Variants in TAFA2 observed in about 807,000 individuals in gnomAD.
TAFA2 encodes TAFA chemokine like family member 2, also known as chemokine-like protein TAFA-2.
Under a neutral mutation model 18.8 loss-of-function variants are expected in TAFA2, and 7 were observed. The ratio of observed to expected loss-of-function variants is 0.37; its 90% CI spans 0.21 to 0.70. TAFA2 has a LOEUF of 0.70. Ranked by LOEUF, TAFA2 falls within the 30% of genes least tolerant of loss-of-function variation. TAFA2 has a pLI of 0.53. For synonymous variants in TAFA2, 60 were observed against 54.2 expected (o/e 1.11, Z -0.47); for missense variants, 122 against 158.1 (o/e 0.77, Z 1.23).
chr12:61,956,011 T>G (rs899103404), intron 1 of TAFA2, among the ~76,000 whole-genome samples: 1 of 152,084 alleles, frequency 6.6e-6, no homozygotes, highest in African/African-American at 2.4e-5. Flanking sequence ...GCATGAGATT[T>G]AAGTGGCAGA....
At chr12:62,029,486 G>A (rs1881393122) in intron 1 of TAFA2, among the ~76,000 whole-genome samples, 1 of 152,220 alleles carries the variant, frequency 6.6e-6, no homozygotes, top group Admixed American at 6.5e-5. Flanking sequence ...GCCAACCCTA[G>A]TAAACAGCAC....
intron 1 of TAFA2, among the ~76,000 whole-genome samples, chr12:62,099,759 A>AC (rs1286729912): frequency 6.6e-6 from 1 of 152,072 alleles, no homozygotes; most frequent in African/African-American, 2.4e-5. Context: ...GCCCCGTGGC[A>AC]CCCCTGCATG....
At chr12:61,797,855 A>G (rs989466229) in intron 2 of TAFA2, among the ~76,000 whole-genome samples, 1 of 152,204 alleles carries the variant, frequency 6.6e-6, no homozygotes, top group Non-Finnish European at 1.5e-5. Context: ...GTCAGTCTAT[A>G]TTAGACTTTC....
At chr12:61,939,718 GACAAT>G (rs1288412793) in intron 1 of TAFA2, among the ~76,000 whole-genome samples, 3 of 152,140 alleles carry the variant, frequency 2.0e-5, no homozygotes, top group African/African-American at 7.2e-5. Context: ...AAGAAAACAG[GACAAT>G]ACATTTGATG....
At chr12:61,891,372 C>A (rs559775285) in intron 1 of TAFA2, among the ~76,000 whole-genome samples, 2 of 152,104 alleles carry the variant, frequency 1.3e-5, no homozygotes, top group African/African-American at 4.8e-5. Flanking sequence ...AAGGGCTGCG[C>A]GCAGTGGCTC....
intron 1 of TAFA2, among the ~76,000 whole-genome samples, chr12:62,215,524 G>A (rs1407090942): frequency 1.6e-5 from 2 of 125,732 alleles, no homozygotes; most frequent in Non-Finnish European, 3.3e-5. Flanking sequence ...ATTTACTGCA[G>A]CCACAGTCTC....
intron 1 of TAFA2, among the ~76,000 whole-genome samples, chr12:62,247,400 A>G (rs2062891898): frequency 6.6e-6 from 1 of 152,346 alleles, no homozygotes; most frequent in South Asian, 2.1e-4. Flanking sequence ...CTCTCATTCA[A>G]CTTCTCTCAA....
intron 4 of TAFA2, among the ~76,000 whole-genome samples, chr12:61,736,577 G>C (rs760938294): frequency 5.9e-5 from 9 of 151,840 alleles, no homozygotes; most frequent in Non-Finnish European, 1.0e-4. Flanking sequence ...ACTTAAAATA[G>C]ACATTAGCTA....
At chr12:61,978,597 T>C (rs1336805813) in intron 1 of TAFA2, among the ~76,000 whole-genome samples, 1 of 152,022 alleles carries the variant, frequency 6.6e-6, no homozygotes, top group African/African-American at 2.4e-5. Context: ...GATTTCCTCT[T>C]GGTTCTCAGT....
chr12:62,069,166 C>T (rs1882564793), intron 1 of TAFA2, among the ~76,000 whole-genome samples: 3 of 152,146 alleles, frequency 2.0e-5, no homozygotes, highest in Admixed American at 2.0e-4. Context: ...GTCTGTAGTT[C>T]TCCAGGCTGA....
chr12:62,142,612 G>A (rs538056428), intron 1 of TAFA2, among the ~76,000 whole-genome samples: 4 of 152,212 alleles, frequency 2.6e-5, no homozygotes, highest in East Asian at 1.9e-4. Context: ...GGAGAGAGTA[G>A]GAGAAAAGTT....
At chr12:61,839,506 C>T (rs1007738852) in intron 2 of TAFA2, among the ~76,000 whole-genome samples, 2 of 151,984 alleles carry the variant, frequency 1.3e-5, no homozygotes, top group African/African-American at 4.8e-5. Flanking sequence ...AATCTAGGTG[C>T]CCATCAACAG....
At chr12:62,068,752 T>C (rs900337061) in intron 1 of TAFA2, among the ~76,000 whole-genome samples, 4 of 152,168 alleles carry the variant, frequency 2.6e-5, no homozygotes, top group Admixed American at 1.3e-4. Flanking sequence ...GATTCAGATG[T>C]CTTGTACTAC....
intron 1 of TAFA2, among the ~76,000 whole-genome samples, chr12:62,116,223 C>T (rs1020206420): frequency 6.6e-6 from 1 of 152,164 alleles, no homozygotes; most frequent in Admixed American, 6.5e-5. Context: ...TTCACAGCAG[C>T]ATACACTGAG....
At chr12:62,103,054 A>T (rs1419655713) in intron 1 of TAFA2, among the ~76,000 whole-genome samples, 1 of 152,186 alleles carries the variant, frequency 6.6e-6, no homozygotes, top group Non-Finnish European at 1.5e-5. Flanking sequence ...AGATGTGTGA[A>T]CTCAATTTCA....
intron 1 of TAFA2, among the ~76,000 whole-genome samples, chr12:61,923,072 T>G (rs563541474): frequency 1.3e-5 from 2 of 152,276 alleles, no homozygotes; most frequent in East Asian, 3.9e-4. Flanking sequence ...AGGGCATCTC[T>G]GAAAGAAAGG....
At chr12:62,195,592 C>G (rs2062645584), upstream of TAFA2, among the ~76,000 whole-genome samples, 1 of 152,164 alleles carries the variant, frequency 6.6e-6, no homozygotes, top group Non-Finnish European at 1.5e-5. Context: ...ACATCTTCAT[C>G]AGAGCTGTTG....
intron 4 of TAFA2, among the ~76,000 whole-genome samples, chr12:61,726,951 T>A (rs537562095): frequency 6.6e-6 from 1 of 152,214 alleles, no homozygotes; most frequent in African/African-American, 2.4e-5. Context: ...ATGATAGATT[T>A]TGTCAAATGC....
At chr12:62,179,351 T>G (rs2062536675) in intron 1 of TAFA2, among the ~76,000 whole-genome samples, 1 of 152,116 alleles carries the variant, frequency 6.6e-6, no homozygotes, top group Non-Finnish European at 1.5e-5. Context: ...ATTATATGCT[T>G]CTATAGAACT....
Sources: allele counts gnomAD v4.1 joint callset (sites outside exome capture counted in the v4.1 genomes callset), GRCh38; gene constraint gnomAD v4.1.1; transcripts MANE v1.5; gene names NCBI Gene and HGNC (gene_info 2026-07-23, HGNC 2026-07-21).